NRG2: variants seen among roughly 807,000 people sequenced by gnomAD.
NRG2 encodes the protein pro-neuregulin-2, membrane-bound isoform.
A neutral mutation model predicts 73.9 loss-of-function variants in NRG2; 27 were observed. The ratio of observed to expected loss-of-function variants is 0.37; its 90% CI spans 0.27 to 0.50. The LOEUF is 0.50. Among genes scored for constraint, NRG2 ranks in the 20% least tolerant of loss-of-function variants. The pLI is 0.96. For synonymous variants in NRG2, 532 were observed against 541.0 expected (o/e 0.98, Z 0.23); for missense variants, 1,126 against 1,210.1 (o/e 0.93, Z 1.03).
At chr5:140,027,131 C>T (rs551008855) in intron 1 of NRG2, among the ~76,000 whole-genome samples, 5 of 152,126 alleles carry the variant, frequency 3.3e-5, no homozygotes, top group Admixed American at 2.6e-4. Flanking sequence ...CAGGCATGCT[C>T]CACTATGCCT....
At position 140,015,958 on chromosome 5, in the gene NRG2, C is replaced by T. The variant is rs185512557; in HGVS notation, c.700+26412G>A. 8.0e-4 allele frequency among the ~76,000 whole-genome samples: 122 copies of T among 152,274 alleles called. 1 individual carries two copies. Among genetic ancestry groups the T allele is most frequent in the African/African-American group, 2.7e-3 (111 of 41,544 alleles). The stretch of plus-strand genomic sequence containing the variant: ...CATCCCTTGTGTTTTTCTTTCAAGG[C>T]GCCACATCTCAATAGGTATGGCTGG... On this transcript the variant is annotated intron_variant, in intron 1 of 9. Transcript: ENST00000361474.
At chr5:139,907,540 T>C (rs1024373639) in intron 1 of NRG2, among the ~76,000 whole-genome samples, 1 of 152,046 alleles carries the variant, frequency 6.6e-6, no homozygotes, top group Non-Finnish European at 1.5e-5. Context: ...AAGAAAAAAA[T>C]GGCTCAAACT....
chr5:139,948,244 T>C (rs556219090), intron 1 of NRG2, among the ~76,000 whole-genome samples: 2 of 152,318 alleles, frequency 1.3e-5, no homozygotes, highest in Admixed American at 6.5e-5. Flanking sequence ...AGAAGGCTTC[T>C]TTCCTGAGAC....
rs990593322 is a variant in NRG2, at chr5:139,982,817, G to C, written c.700+59553C>G. 3.4e-4 allele frequency among the ~76,000 whole-genome samples: 52 copies of C among 152,318 alleles called. 1 individual carries two copies. The highest frequency in any genetic ancestry group is 1.3e-3 in the African/African-American group (52 of 41,560). On this transcript the variant is annotated intron_variant, in intron 1 of 9. Coordinates refer to ENST00000361474, the MANE Select transcript of NRG2 (RefSeq NM_004883.3). The stretch of plus-strand genomic sequence containing the variant: ...ATCTTTTGTGTCGTACTCTTAGCTG[G>C]CTGAGGAGTAGTCTTGCCCAGGGGC...
Position 139,853,746 on chromosome 5 carries a change from G to A in NRG2, c.1293-719C>T, listed in dbSNP as rs976469965. Among the ~76,000 whole-genome samples, 3 of 152,134 alleles carry A rather than the reference G, an allele frequency of 2.0e-5. No homozygotes were observed. The highest frequency in any genetic ancestry group is 7.2e-5 in the African/African-American group (3 of 41,424). On this transcript the variant is annotated intron_variant, in intron 6 of 9. Coordinates refer to ENST00000361474, the MANE Select transcript of NRG2 (RefSeq NM_004883.3). The surrounding 1 kb of genome is among the most constrained non-coding windows in gnomAD (Gnocchi z 4.1). Reference sequence around the variant, plus strand: ...CATTGTGAACTCACGGAGATAGAGAGTAGAAGGATGGTTACCAGAGGCTGG... The same window carrying A: ...CATTGTGAACTCACGGAGATAGAGAATAGAAGGATGGTTACCAGAGGCTGG...
intron 1 of NRG2, among the ~76,000 whole-genome samples, chr5:139,970,028 G>T (rs1755853073): frequency 6.6e-6 from 1 of 152,146 alleles, no homozygotes; most frequent in South Asian, 2.1e-4. Context: ...GCTGGCAAAA[G>T]TTCAAAGACA....
At chr5:139,877,622 A>G (rs1274983695) in intron 3 of NRG2, among the ~76,000 whole-genome samples, 1 of 152,244 alleles carries the variant, frequency 6.6e-6, no homozygotes, top group African/African-American at 2.4e-5. Flanking sequence ...CACCTGTTCA[A>G]GGGTAGGCTC....
chr5:139,860,685 C>G (rs1202442440), intron 5 of NRG2, among the ~76,000 whole-genome samples: 1 of 152,150 alleles, frequency 6.6e-6, no homozygotes. Flanking sequence ...TGTCTGAGCT[C>G]CTCAACTGGT....
intron 1 of NRG2, among the ~76,000 whole-genome samples, chr5:140,024,083 GA>G (rs921270166): frequency 1.4e-4 from 22 of 152,058 alleles, no homozygotes; most frequent in African/African-American, 4.6e-4. Flanking sequence ...CTGGAATCCA[GA>G]AACAGGCTCC....
chr5:139,887,244 G>C lies in NRG2; in HGVS notation c.872+96C>G. On this transcript the variant is annotated intron_variant, in intron 2 of 9. Coordinates refer to ENST00000361474, the MANE Select transcript of NRG2 (RefSeq NM_004883.3). The surrounding 1 kb of genome is among the most constrained non-coding windows in gnomAD (Gnocchi z 4.5). ...GGGACTGGTTCCATGGGTGAGTCTGGGGGCACAGCCCTGGCCTCTGCCCAG... is the reference window on the plus strand; with the variant it reads ...GGGACTGGTTCCATGGGTGAGTCTGCGGGCACAGCCCTGGCCTCTGCCCAG... 7.0e-7 allele frequency: 1 copy of C among 1,420,442 alleles called. No homozygotes were observed. The highest frequency in any genetic ancestry group is 9.8e-7 in the Non-Finnish European group (1 of 1,022,988). The allele number at this position is 1,420,442 out of a possible 1,614,324, so 88.0% of individuals were successfully genotyped here.
At chr5:139,922,280 T>C (rs562465008) in intron 1 of NRG2, among the ~76,000 whole-genome samples, 10 of 152,110 alleles carry the variant, frequency 6.6e-5, no homozygotes, top group African/African-American at 2.4e-4. Context: ...AGTTAAAAAA[T>C]GATCAAAAGA....
At chr5:139,997,721 G>A (rs1049479220) in intron 1 of NRG2, among the ~76,000 whole-genome samples, 2 of 152,208 alleles carry the variant, frequency 1.3e-5, no homozygotes, top group Non-Finnish European at 2.9e-5. Context: ...CCCTCAATGG[G>A]CCCTAGAATG....
At position 139,883,601 on chromosome 5, in the gene NRG2, G is replaced by A. The variant is rs150733987; in HGVS notation, c.873-2627C>T. 5.4e-4 allele frequency among the ~76,000 whole-genome samples: 82 copies of A among 152,276 alleles called. 1 individual carries two copies. The highest frequency in any genetic ancestry group is 1.9e-3 in the African/African-American group (80 of 41,548). On this transcript the variant is annotated intron_variant, in intron 2 of 9. Transcript: ENST00000361474. ...GGTAGGGGAGCCAGCTGTTGTGTGG[G>A]CAGACAAGACAGAGAACATTTTGCC...
chr5:139,883,143 T>G (rs2127112864), intron 2 of NRG2, among the ~76,000 whole-genome samples: 1 of 152,156 alleles, frequency 6.6e-6, no homozygotes, highest in South Asian at 2.1e-4. Context: ...GACTCTCCTG[T>G]CTCCCTGGCA....
At chr5:139,997,660 C>T (rs763552888) in intron 1 of NRG2, among the ~76,000 whole-genome samples, 4 of 152,338 alleles carry the variant, frequency 2.6e-5, no homozygotes, top group East Asian at 1.9e-4. Context: ...TAGATAGAAA[C>T]CAGCCCCCAG....
Position 139,847,781 on chromosome 5 carries a change from T to G in NRG2, c.*136A>C. Reference sequence around the variant, plus strand: ...TTTTTGCTAAAATGAAAATAAAACATTTTGTTATACTTTTTTCCTTTTATA... The same window carrying G: ...TTTTTGCTAAAATGAAAATAAAACAGTTTGTTATACTTTTTTCCTTTTATA... On this transcript the variant is annotated 3_prime_UTR_variant, in exon 10 of 10. Coordinates refer to ENST00000361474, the MANE Select transcript of NRG2 (RefSeq NM_004883.3). 4.7e-6 allele frequency: 3 copies of G among 632,524 alleles called. No individual in the cohort carries two copies. The highest frequency in any genetic ancestry group is 6.9e-6 in the Non-Finnish European group (3 of 436,974). The allele number at this position is 632,524 out of a possible 1,614,324, so 39.2% of individuals were successfully genotyped here.
chr5:140,035,715 A>G (rs527978515), intron 1 of NRG2, among the ~76,000 whole-genome samples: 1 of 152,154 alleles, frequency 6.6e-6, no homozygotes, highest in Non-Finnish European at 1.5e-5. Context: ...TTGGATCAAT[A>G]TCAAGATCAA....
intron 1 of NRG2, among the ~76,000 whole-genome samples, chr5:139,912,270 G>A (rs1349697684): frequency 1.1e-5 from 1 of 91,056 alleles, no homozygotes; most frequent in South Asian, 4.7e-4. Context: ...CCAAGGAAAC[G>A]AGAGGCCTTG....
chr5:140,025,737 A>AATCCT (rs1760635509), intron 1 of NRG2, among the ~76,000 whole-genome samples: 3 of 152,220 alleles, frequency 2.0e-5, no homozygotes, highest in Non-Finnish European at 4.4e-5. Context: ...TAATTCCAAG[A>AATCCT]TAAAATCCTA....
Sources: allele counts gnomAD v4.1 joint callset (sites outside exome capture counted in the v4.1 genomes callset), GRCh38; gene constraint gnomAD v4.1.1; non-coding constraint Gnocchi (gnomAD v3.1); transcripts MANE v1.5; gene names NCBI Gene and HGNC (gene_info 2026-07-23, HGNC 2026-07-21).